The following ARHGEF28 variants were observed in gnomAD, a reference collection of about 807,000 sequenced individuals.
The protein encoded by ARHGEF28 is Rho guanine nucleotide exchange factor 28.
Under a neutral mutation model 206.6 loss-of-function variants are expected in ARHGEF28, and 152 were observed. That is an observed-to-expected ratio of 0.74 (90% CI 0.64 to 0.84). ARHGEF28 has a LOEUF of 0.84. Among genes scored for constraint, ARHGEF28 ranks in the 40% least tolerant of loss-of-function variants. The pLI is 0.00. For synonymous variants in ARHGEF28, 763 were observed against 776.4 expected (o/e 0.98, Z 0.29); for missense variants, 2,028 against 2,073.2 (o/e 0.98, Z 0.42).
intron 26 of ARHGEF28, among the ~76,000 whole-genome samples, chr5:73,888,294 G>A (rs939767689): frequency 6.6e-6 from 1 of 152,222 alleles, no homozygotes; most frequent in Non-Finnish European, 1.5e-5. Context: ...TATTTTTGTA[G>A]TGTGTTAGAG....
chr5:73,885,803 G>C (rs1330574843), intron 24 of ARHGEF28, 47 bp from the exon 25 acceptor site: 1 of 1,551,966 alleles, frequency 6.4e-7, no homozygotes, highest in Admixed American at 2.0e-5. Flanking sequence ...TAGTACTCTG[G>C]TTTATTGTAT....
intron 24 of ARHGEF28, 81 bp downstream of exon 24, chr5:73,883,965 T>C (rs1761110582): frequency 4.1e-6 from 3 of 728,824 alleles, no homozygotes; most frequent in Non-Finnish European, 6.2e-6. Context: ...CAGCCATCAG[T>C]GTTTGTGGTC....
intron 4 of ARHGEF28, among the ~76,000 whole-genome samples, chr5:73,766,612 T>G (rs1241283429): frequency 1.3e-5 from 2 of 152,234 alleles, no homozygotes; most frequent in African/African-American, 2.4e-5. Flanking sequence ...TTTGGAAAAG[T>G]GTGATGACTT....
chr5:73,746,849 T>C (rs1751746810), intron 2 of ARHGEF28, among the ~76,000 whole-genome samples: 1 of 152,168 alleles, frequency 6.6e-6, no homozygotes, highest in Non-Finnish European at 1.5e-5. Context: ...ACCCTGGTTT[T>C]ATTGTATGTT....
chr5:73,748,503 G>A (rs1751860179), intron 2 of ARHGEF28, among the ~76,000 whole-genome samples: 5 of 152,174 alleles, frequency 3.3e-5, no homozygotes, highest in Admixed American at 2.0e-4. Flanking sequence ...ACCCTACACC[G>A]ATTTTGTTTT....
At chr5:73,819,112 T>C (rs1756415037) in intron 9 of ARHGEF28, among the ~76,000 whole-genome samples, 2 of 152,142 alleles carry the variant, frequency 1.3e-5, no homozygotes, top group South Asian at 4.2e-4. Flanking sequence ...GGATGTTCCT[T>C]CTAAGCAAAT....
At chr5:73,940,786 C>T in intron 35 of ARHGEF28, 58 bp from the exon 36 acceptor site, 1 of 1,333,306 alleles carries the variant, frequency 7.5e-7, no homozygotes, top group South Asian at 2.1e-5. Flanking sequence ...AACGCCAAGA[C>T]ATCTGCCTTG....
chr5:73,831,094 T>G (rs940537914), intron 9 of ARHGEF28, among the ~76,000 whole-genome samples: 5 of 152,198 alleles, frequency 3.3e-5, no homozygotes, highest in African/African-American at 1.2e-4. Context: ...CTGAACATGG[T>G]TAAAAATTGC....
intron 14 of ARHGEF28, 34 bp from the exon 15 acceptor site, chr5:73,857,622 A>T: frequency 6.5e-7 from 1 of 1,550,042 alleles, no homozygotes; most frequent in Non-Finnish European, 8.7e-7. Context: ...TTCCTAAGTC[A>T]TATGAGCCAT....
chr5:73,791,380 A>G (rs1227429751), intron 7 of ARHGEF28, among the ~76,000 whole-genome samples: 1 of 152,224 alleles, frequency 6.6e-6, no homozygotes, highest in Non-Finnish European at 1.5e-5. Context: ...GGGGGCAGGC[A>G]GAGCAAACTG....
intron 2 of ARHGEF28, among the ~76,000 whole-genome samples, chr5:73,692,237 G>A (rs1014190774): frequency 1.3e-5 from 2 of 152,066 alleles, no homozygotes; most frequent in Admixed American, 1.3e-4. Flanking sequence ...CTAATCCGTG[G>A]AGATTTTTTT....
intron 11 of ARHGEF28, among the ~76,000 whole-genome samples, chr5:73,845,207 T>C (rs951674540): frequency 9.9e-5 from 15 of 152,002 alleles, no homozygotes; most frequent in Middle Eastern, 3.4e-3. Flanking sequence ...TTAGTAGAGA[T>C]GTAGTTTCAC....
intron 2 of ARHGEF28, among the ~76,000 whole-genome samples, chr5:73,704,129 G>A (rs1748783508): frequency 6.6e-6 from 1 of 152,126 alleles, no homozygotes; most frequent in Non-Finnish European, 1.5e-5. Flanking sequence ...ACTAAGACAA[G>A]TTGCTGGGAG....
At chr5:73,898,238 A>G in intron 30 of ARHGEF28, 145 bp downstream of exon 30, 1 of 983,704 alleles carries the variant, frequency 1.0e-6, no homozygotes, top group South Asian at 1.8e-5. Context: ...GAGAATAAAT[A>G]TGCTAGCCTA....
chr5:73,853,910 T>C (rs1758856443), intron 14 of ARHGEF28, among the ~76,000 whole-genome samples: 1 of 152,188 alleles, frequency 6.6e-6, no homozygotes, highest in African/African-American at 2.4e-5. Flanking sequence ...AGGAGAGAGA[T>C]TTAAGACCGA....
chr5:73,633,477 CAT>C lies in ARHGEF28; in HGVS notation c.-12+7157_-12+7158del, dbSNP rs1743498226. On this transcript the variant is annotated intron_variant, in intron 1 of 35. Coordinates refer to ENST00000513042, the MANE Select transcript of ARHGEF28 (RefSeq NM_001177693.2). ...AGCCTCAGTTTTTGTCTATTTCTCT[CAT>C]AAGATTGTAAAAAGGACTCAATAAG... Among the ~76,000 whole-genome samples the C allele has an allele frequency of 4.0e-5, 6 of 151,818 alleles. No homozygotes were observed. The South Asian group carries it at 1.3e-3, about 32-fold the overall frequency.
intron 2 of ARHGEF28, among the ~76,000 whole-genome samples, chr5:73,709,985 C>T (rs964032304): frequency 2.6e-5 from 4 of 152,130 alleles, no homozygotes; most frequent in African/African-American, 9.7e-5. Context: ...GTGTCGAAGG[C>T]CTGGTTTTTC....
chr5:73,845,011 A>ATTTT (rs70973277), intron 11 of ARHGEF28, among the ~76,000 whole-genome samples: 80 of 99,340 alleles, frequency 8.1e-4, no homozygotes, highest in Non-Finnish European at 1.1e-3. Flanking sequence ...CAAAGGAATC[A>ATTTT]TTTTTTTTTT....
intron 9 of ARHGEF28, among the ~76,000 whole-genome samples, chr5:73,806,690 C>CATATACATCTATAT (rs1309454664): frequency 3.6e-5 from 5 of 140,412 alleles, no homozygotes; most frequent in African/African-American, 1.3e-4. Flanking sequence ...TACGATATAT[C>CATATACATCTATAT]GTATACATCT....
Sources: allele counts gnomAD v4.1 joint callset (sites outside exome capture counted in the v4.1 genomes callset), GRCh38; gene constraint gnomAD v4.1.1; transcripts MANE v1.5; gene names NCBI Gene and HGNC (gene_info 2026-07-23, HGNC 2026-07-21).